The following PCDH11Y variants were observed in gnomAD, a reference collection of about 807,000 sequenced individuals.
PCDH11Y encodes the protein protocadherin 11 Y-linked.
For missense variants in PCDH11Y, 12 were observed against 224.8 expected, an observed-to-expected ratio of 0.05 and a Z score of 6.05; for synonymous variants, 9 against 83.6, an observed-to-expected ratio of 0.11 and a Z score of 4.87.
intron 4 of PCDH11Y, among the ~76,000 whole-genome samples, chrY:5,701,399 T>C (rs2124711979): frequency 3.0e-5 from 1 of 32,971 alleles, no homozygotes; most frequent in East Asian, 8.2e-4. Context: ...ATGCACAGGC[T>C]AGGGACTTGG....
At chrY:5,298,568 GCT>G (rs2053077853) in intron 2 of PCDH11Y, among the ~76,000 whole-genome samples, 2 of 33,316 alleles carry the variant, frequency 6.0e-5, no homozygotes, top group Non-Finnish European at 1.5e-4. Flanking sequence ...ACAATTTGAT[GCT>G]CACCAAGTTC....
At chrY:5,352,365 G>T in intron 2 of PCDH11Y, among the ~76,000 whole-genome samples, 3 of 31,778 alleles carry the variant, frequency 9.4e-5, no homozygotes. Context: ...CTCATGATCC[G>T]CCCACCTCAG....
At chrY:5,066,751 T>C in intron 1 of PCDH11Y, among the ~76,000 whole-genome samples, 1 of 32,634 alleles carries the variant, frequency 3.1e-5, no homozygotes, top group African/African-American at 1.2e-4. Flanking sequence ...GGCATTTAAA[T>C]CTTTTAATTT....
chrY:5,557,073 T>A, intron 3 of PCDH11Y, among the ~76,000 whole-genome samples: 1 of 32,742 alleles, frequency 3.1e-5, no homozygotes, highest in African/African-American at 1.2e-4. Context: ...TGTAGCCTCA[T>A]AGTGTAATTT....
chrY:5,022,711 G>T, intron 1 of PCDH11Y, among the ~76,000 whole-genome samples: 2 of 30,886 alleles, frequency 6.5e-5, no homozygotes, highest in Non-Finnish European at 1.6e-4. Context: ...CAACTCAAAA[G>T]AATTTAAAAG....
At chrY:5,357,205 T>TTA (rs2053168354) in intron 2 of PCDH11Y, among the ~76,000 whole-genome samples, 3 of 20,508 alleles carry the variant, frequency 1.5e-4, no homozygotes, top group African/African-American at 6.1e-4. Flanking sequence ...AAAAAAGAAA[T>TTA]TATATATATA....
chrY:5,385,563 G>C (rs2053213088), intron 2 of PCDH11Y, among the ~76,000 whole-genome samples: 1 of 32,651 alleles, frequency 3.1e-5, no homozygotes, highest in Admixed American at 2.9e-4. Flanking sequence ...ATTTGGGCTG[G>C]TTCCATATTT....
chrY:5,552,556 C>G, intron 3 of PCDH11Y, among the ~76,000 whole-genome samples: 1 of 33,055 alleles, frequency 3.0e-5, no homozygotes, highest in Non-Finnish European at 7.5e-5. Context: ...ATAGGATCTT[C>G]CTCCATGTAA....
At chrY:5,532,744 T>C in intron 3 of PCDH11Y, among the ~76,000 whole-genome samples, 1 of 30,527 alleles carries the variant, frequency 3.3e-5, no homozygotes. Flanking sequence ...TATTTATTGA[T>C]GTTATTGGAT....
intron 2 of PCDH11Y, among the ~76,000 whole-genome samples, chrY:5,356,137 C>T: frequency 3.0e-5 from 1 of 33,379 alleles, no homozygotes. Context: ...CAACCAGTTA[C>T]AGGGAGAAGG....
intron 2 of PCDH11Y, among the ~76,000 whole-genome samples, chrY:5,256,271 T>A (rs2053011016): frequency 7.3e-4 from 24 of 32,841 alleles, no homozygotes; most frequent in Admixed American, 2.8e-3. Flanking sequence ...GGATATCCAG[T>A]TTTCCCAACA....
downstream of PCDH11Y, among the ~76,000 whole-genome samples, chrY:5,109,782 C>T: frequency 3.0e-5 from 1 of 33,587 alleles, no homozygotes; most frequent in Non-Finnish European, 7.4e-5. Flanking sequence ...AACCTAGTTA[C>T]ATAATTATTT....
chrY:5,181,173 C>T, intron 2 of PCDH11Y, among the ~76,000 whole-genome samples: 1 of 30,987 alleles, frequency 3.2e-5, no homozygotes, highest in Non-Finnish European at 7.8e-5. Flanking sequence ...CCTTCACTTA[C>T]GAAATGTAGT....
chrY:5,739,538 T>C (rs1602966175), exon 5 of PCDH11Y: 6 of 32,916 alleles, frequency 1.8e-4, no homozygotes, highest in African/African-American at 7.1e-4. Flanking sequence ...GATTTTGTAA[T>C]GTATAACTTG....
At chrY:5,167,948 T>C in intron 2 of PCDH11Y, among the ~76,000 whole-genome samples, 1 of 27,972 alleles carries the variant, frequency 3.6e-5, no homozygotes, top group Non-Finnish European at 8.5e-5. Flanking sequence ...AATATCTGTA[T>C]AGAAATCATG....
chrY:5,042,998 A>G, intron 3 of PCDH11Y, among the ~76,000 whole-genome samples: 1 of 32,464 alleles, frequency 3.1e-5, no homozygotes, highest in Non-Finnish European at 7.5e-5. Flanking sequence ...TATCAGCTGA[A>G]GGAGATTTTG....
intron 3 of PCDH11Y, among the ~76,000 whole-genome samples, chrY:5,045,263 C>G: frequency 3.0e-5 from 1 of 33,092 alleles, no homozygotes; most frequent in African/African-American, 1.2e-4. Flanking sequence ...TTGTTCCTTT[C>G]CATGTTTAGT....
At chrY:5,143,388 A>G in intron 2 of PCDH11Y, among the ~76,000 whole-genome samples, 3 of 33,480 alleles carry the variant, frequency 9.0e-5, no homozygotes, top group Admixed American at 8.2e-4. Context: ...ACTCCTTGTA[A>G]CTTTTCATAA....
downstream of PCDH11Y, among the ~76,000 whole-genome samples, chrY:5,110,089 A>G (rs2052801507): frequency 3.0e-5 from 1 of 33,571 alleles, no homozygotes. Flanking sequence ...TTATATATTG[A>G]TTTACTTCAT....
Sources: gnomAD v4.1 joint callset for allele counts (sites outside exome capture counted in the v4.1 genomes callset) on GRCh38, gnomAD v4.1.1 for gene constraint, MANE v1.5 for transcripts, NCBI Gene and HGNC (gene_info 2026-07-23, HGNC 2026-07-21) for gene names.